The following NRXN3 variants were observed in gnomAD, a reference collection of about 807,000 sequenced individuals.
NRXN3 encodes neurexin III.
A neutral mutation model predicts 137.6 loss-of-function variants in NRXN3; 32 were observed. The ratio of observed to expected loss-of-function variants is 0.23; its 90% CI spans 0.18 to 0.31. NRXN3 has a LOEUF of 0.31. NRXN3 is among the 10% of genes least tolerant of loss of function. The pLI is 1.00. For synonymous variants in NRXN3, 798 were observed against 784.5 expected, an observed-to-expected ratio of 1.02 and a Z score of -0.29; for missense variants, 1,574 against 2,062.5, an observed-to-expected ratio of 0.76 and a Z score of 4.59.
rs550619248 is a variant in NRXN3 at position 78,809,586 on chromosome 14, G to A, written c.2249-732G>A. On this transcript the variant is annotated intron_variant, in intron 9 of 20. Transcript: ENST00000335750. ...TCTCTAAAATCTGGGATGGGTGTTT[G>A]TGCGGTTAGCTGTTTGCAAGTGGCC... Among the ~76,000 whole-genome samples the A allele has an allele frequency of 1.3e-3, 193 of 152,284 alleles. 1 individual carries two copies. The highest frequency in any genetic ancestry group is 1.9e-3 in the Non-Finnish European group (130 of 68,018).
intron 15 of NRXN3, among the ~76,000 whole-genome samples, chr14:79,007,473 G>T (rs2099555452): frequency 6.7e-6 from 1 of 149,544 alleles, no homozygotes; most frequent in Non-Finnish European, 1.5e-5. Context: ...TTTTTTAAAG[G>T]CAATAGAAAG....
intron 17 of NRXN3, among the ~76,000 whole-genome samples, chr14:79,671,565 G>A (rs1303122735): frequency 6.6e-6 from 1 of 152,010 alleles, no homozygotes; most frequent in Non-Finnish European, 1.5e-5. Context: ...CAAAAAGAAA[G>A]AACTTTTAAA....
At chr14:78,326,788 A>G (rs1409623128) in intron 4 of NRXN3, among the ~76,000 whole-genome samples, 1 of 152,188 alleles carries the variant, frequency 6.6e-6, no homozygotes, top group African/African-American at 2.4e-5. Flanking sequence ...TGGGGAACAC[A>G]TAAAGATGAT....
Position 79,864,813 on chromosome 14 carries a change from A to T in NRXN3, c.*2849A>T, listed in dbSNP as rs796961417. ...GTCGCCCGGGCTGGAGTGCAGTGGC[A>T]CGATCTCGGCTCACTGCAAGCTCCG... On this transcript the variant is annotated 3_prime_UTR_variant, in exon 21 of 21. Coordinates refer to ENST00000335750, the MANE Select transcript of NRXN3 (RefSeq NM_001330195.2). The T allele has an allele frequency of 6.6e-6, 1 of 151,628 alleles. No individual in the cohort carries two copies. Among genetic ancestry groups the T allele is most frequent in the Non-Finnish European group, 1.5e-5 (1 of 67,982 alleles). The allele number at this position is 151,628 out of a possible 1,614,324, so 9.4% of individuals were successfully genotyped here.
intron 15 of NRXN3, among the ~76,000 whole-genome samples, chr14:79,334,317 G>T (rs1023386609): frequency 6.6e-6 from 1 of 152,188 alleles, no homozygotes; most frequent in Non-Finnish European, 1.5e-5. Flanking sequence ...TGCTATTTTG[G>T]GTGGAGAAGG....
intron 16 of NRXN3, among the ~76,000 whole-genome samples, chr14:79,511,321 A>T (rs1454233395): frequency 1.3e-5 from 2 of 152,198 alleles, no homozygotes; most frequent in Non-Finnish European, 2.9e-5. Context: ...GCCCAGGAAC[A>T]TCTCTGCCAT....
At chr14:78,891,828 G>T (rs895579806) in intron 10 of NRXN3, among the ~76,000 whole-genome samples, 1 of 151,978 alleles carries the variant, frequency 6.6e-6, no homozygotes, top group Admixed American at 6.6e-5. Context: ...TTTGTTAAAT[G>T]AATATGAATG....
Position 78,208,900 on chromosome 14 carries a change from C to T in NRXN3, c.-703-33491C>T, listed in dbSNP as rs534738026. ...GTAGTTCGCGTATGTGTCCCCATGA[C>T]GGTTGGGGCCCTGTTTTACTAAGCT... On this transcript the variant is annotated intron_variant, in intron 1 of 20. Transcript: ENST00000335750. 1.5e-4 allele frequency among the ~76,000 whole-genome samples: 23 copies of T among 152,276 alleles called. No homozygotes were observed. In the East Asian group the frequency reaches 3.7e-3, roughly 24 times the overall value.
chr14:78,938,051 T>G (rs1054704884), intron 10 of NRXN3, among the ~76,000 whole-genome samples: 2 of 152,222 alleles, frequency 1.3e-5, no homozygotes, highest in Admixed American at 1.3e-4. Context: ...GGATATGAGT[T>G]GCTAATCGTT....
intron 15 of NRXN3, among the ~76,000 whole-genome samples, chr14:79,108,998 G>A (rs1017597787): frequency 1.3e-5 from 2 of 152,154 alleles, no homozygotes; most frequent in African/African-American, 4.8e-5. Flanking sequence ...CTAAAAAATA[G>A]GCTACTGTCT....
At chr14:79,642,354 C>T (rs954283324) in intron 16 of NRXN3, among the ~76,000 whole-genome samples, 3 of 135,804 alleles carry the variant, frequency 2.2e-5, no homozygotes, top group African/African-American at 7.3e-5. Context: ...CCAAATTATA[C>T]ACTTAGACTG....
intron 10 of NRXN3, among the ~76,000 whole-genome samples, chr14:78,952,946 C>A (rs1166609469): frequency 6.6e-6 from 1 of 152,162 alleles, no homozygotes. Flanking sequence ...ATTTCTACCC[C>A]CTGCGTATGA....
At chr14:78,755,716 A>G (rs1231648788) in intron 8 of NRXN3, among the ~76,000 whole-genome samples, 1 of 152,220 alleles carries the variant, frequency 6.6e-6, no homozygotes, top group Non-Finnish European at 1.5e-5. Flanking sequence ...GGTACTTAGT[A>G]GCAGTCCCCT....
In NRXN3 at chr14:79,801,270, C is replaced by T. The variant is rs530720734; in HGVS notation, c.4015-3842C>T. On this transcript the variant is annotated intron_variant, in intron 19 of 20. Transcript: ENST00000335750. ...TCACCTTTGAATGATTGTTTAAGCTCTTTATGAGTACATTTTTCTTTATCA... is the reference window on the plus strand; with the variant it reads ...TCACCTTTGAATGATTGTTTAAGCTTTTTATGAGTACATTTTTCTTTATCA... 6.6e-5 allele frequency among the ~76,000 whole-genome samples: 10 copies of T among 152,276 alleles called. No homozygotes were observed. The East Asian group carries it at 1.9e-3, about 29-fold the overall frequency.
chr14:78,348,718 C>T (rs143456991), intron 4 of NRXN3, among the ~76,000 whole-genome samples: 2 of 152,290 alleles, frequency 1.3e-5, no homozygotes, highest in African/African-American at 4.8e-5. Flanking sequence ...GCACCCTAGA[C>T]CTGTTGAATT....
intron 15 of NRXN3, among the ~76,000 whole-genome samples, chr14:79,272,476 T>A (rs965624942): frequency 1.3e-5 from 2 of 152,038 alleles, no homozygotes; most frequent in Admixed American, 1.3e-4. Flanking sequence ...ACTACATAAA[T>A]CCAATAGAAA....
At chr14:78,175,046 C>G (rs996473355) in intron 1 of NRXN3, among the ~76,000 whole-genome samples, 1 of 152,192 alleles carries the variant, frequency 6.6e-6, no homozygotes, top group Non-Finnish European at 1.5e-5. Context: ...AAATCACCCT[C>G]GGCCGTGAGA....
intron 10 of NRXN3, among the ~76,000 whole-genome samples, chr14:78,908,485 A>G (rs2099225859): frequency 6.6e-6 from 1 of 152,042 alleles, no homozygotes; most frequent in East Asian, 1.9e-4. Context: ...TTCAGAATCT[A>G]CTGTCAAATC....
intron 16 of NRXN3, among the ~76,000 whole-genome samples, chr14:79,468,915 C>T (rs910579724): frequency 6.6e-6 from 1 of 152,160 alleles, no homozygotes; most frequent in Non-Finnish European, 1.5e-5. Context: ...CCATATGGTG[C>T]TATGAGCCTG....
Sources: allele counts gnomAD v4.1 joint callset (sites outside exome capture counted in the v4.1 genomes callset), GRCh38; gene constraint gnomAD v4.1.1; transcripts MANE v1.5; gene names NCBI Gene and HGNC (gene_info 2026-07-23, HGNC 2026-07-21).